CD244: variants seen among roughly 807,000 people sequenced by gnomAD.
CD244 encodes CD244 molecule, also known as natural killer cell receptor 2B4.
Under a neutral mutation model 45.5 loss-of-function variants are expected in CD244, and 20 were observed. The ratio of observed to expected loss-of-function variants is 0.44; its 90% confidence interval spans 0.31 to 0.64. CD244 has a LOEUF of 0.64. CD244 is among the 30% of genes least tolerant of loss of function. The pLI is 0.08. For synonymous variants in CD244, 185 were observed against 160.5 expected, an observed-to-expected ratio of 1.15 and a Z score of -1.15; for missense variants, 407 against 426.9, an observed-to-expected ratio of 0.95 and a Z score of 0.41.
chr1:160,841,409 G>C lies in CD244; in HGVS notation c.456C>G (p.Cys152Trp), dbSNP rs1371739601. The C allele has an allele frequency of 6.2e-7, 1 of 1,614,192 alleles. No individual in the cohort carries two copies. The highest frequency in any genetic ancestry group is 8.5e-7 in the Non-Finnish European group (1 of 1,180,038). Residue 152 changes from cysteine to tryptophan, a missense_variant, in exon 3 of 9, where the codon TGC becomes TGG. Coordinates refer to ENST00000368034, the MANE Select transcript of CD244 (RefSeq NM_016382.4). The part of the protein sequence containing the change: ...DRGRCQVALS[C>W]LVSRDGNVSY... ...ACACATTGCCATCCCTGGAGACCAA[G>C]CAAGACAGAGCCACTTGGCATCTCC...
At chr1:160,854,996 T>C (rs1670056609) in intron 1 of CD244, among the ~76,000 whole-genome samples, 1 of 152,204 alleles carries the variant, frequency 6.6e-6, no homozygotes, top group Non-Finnish European at 1.5e-5. Flanking sequence ...GAAGCTCTGG[T>C]GCCCTGAGCA....
At chr1:160,849,348 G>A (rs780041577) in intron 1 of CD244, among the ~76,000 whole-genome samples, 2 of 143,718 alleles carry the variant, frequency 1.4e-5, no homozygotes, top group East Asian at 4.1e-4. Context: ...GATTTGTTAC[G>A]TAGGTATACG....
intron 1 of CD244, among the ~76,000 whole-genome samples, chr1:160,844,290 A>G (rs1669649871): frequency 6.6e-6 from 1 of 152,262 alleles, no homozygotes; most frequent in Admixed American, 6.5e-5. Context: ...CAGGGCATCT[A>G]CATAATAGAG....
At position 160,857,157 on chromosome 1, in the gene CD244, A is replaced by C. The variant is rs150825612; in HGVS notation, c.61+5460T>G. On this transcript the variant is annotated intron_variant, in intron 1 of 8. Transcript: ENST00000368034. ...CCAAGCTCCACATTTCCACAATTTA[A>C]TTTTCCATCTGCAGACCTTCAGAAC... Among the ~76,000 whole-genome samples the C allele has an allele frequency of 3.7e-3, 559 of 152,294 alleles. 1 individual carries two copies. The highest frequency in any genetic ancestry group is 0.013 in the African/African-American group (526 of 41,556).
At chr1:160,849,201 T>C (rs891419621) in intron 1 of CD244, among the ~76,000 whole-genome samples, 1 of 152,158 alleles carries the variant, frequency 6.6e-6, no homozygotes, top group African/African-American at 2.4e-5. Context: ...ATTGTTATTA[T>C]TTTGATGTGG....
chr1:160,837,878 GGCCCC>G (rs1289683467), intron 5 of CD244, among the ~76,000 whole-genome samples: 1 of 152,232 alleles, frequency 6.6e-6, no homozygotes, highest in Non-Finnish European at 1.5e-5. Flanking sequence ...AGGCAGAGTT[GGCCCC>G]TGCCTGCTGC....
At position 160,841,421 on chromosome 1, in the gene CD244, C is replaced by T; in HGVS notation, c.444G>A (p.Val148=). The T allele has an allele frequency of 6.2e-7, 1 of 1,614,176 alleles. No individual in the cohort carries two copies. The highest frequency in any genetic ancestry group is 8.5e-7 in the Non-Finnish European group (1 of 1,180,014). The part of the protein sequence containing the change: ...GKILDRGRCQ[V]ALSCLVSRDG... ...CCCTGGAGACCAAGCAAGACAGAGCCACTTGGCATCTCCCTCTGTCCAGGA... is the reference window on the plus strand; with the variant it reads ...CCCTGGAGACCAAGCAAGACAGAGCTACTTGGCATCTCCCTCTGTCCAGGA... The change falls in exon 3 of 9, where the codon GTG becomes GTA. Residue 148 remains valine (V), a synonymous_variant. Coordinates refer to ENST00000368034, the MANE Select transcript of CD244 (RefSeq NM_016382.4).
intron 1 of CD244, among the ~76,000 whole-genome samples, chr1:160,850,090 A>G (rs1296349819): frequency 6.6e-6 from 1 of 152,210 alleles, no homozygotes; most frequent in African/African-American, 2.4e-5. Flanking sequence ...AGAGGACTAT[A>G]TGAAAAATTA....
chr1:160,843,929 C>T (rs1339632625), intron 1 of CD244, among the ~76,000 whole-genome samples: 4 of 152,142 alleles, frequency 2.6e-5, no homozygotes, highest in Non-Finnish European at 2.9e-5. Context: ...AGTTCACGTC[C>T]CTCCTATTAG....
In CD244 at chr1:160,862,692, G is replaced by A. The variant is rs1670353807; in HGVS notation, c.-15C>T. 1 of 1,613,298 alleles carries A rather than the reference G, an allele frequency of 6.2e-7. No individual in the cohort carries two copies. Among genetic ancestry groups the A allele is most frequent in the South Asian group, 1.1e-5 (1 of 90,962 alleles). On this transcript the variant is annotated 5_prime_UTR_variant, in exon 1 of 9. Transcript: ENST00000368034. Reference sequence around the variant, plus strand: ...TGCCCCAGCATTTCCACAGGACAGAGGGGCCAGGCCAGCCCCTCCACCCCA... The same window carrying A: ...TGCCCCAGCATTTCCACAGGACAGAAGGGCCAGGCCAGCCCCTCCACCCCA...
chr1:160,848,278 G>C (rs777315604), intron 1 of CD244: 1 of 572,634 alleles, frequency 1.7e-6, no homozygotes, highest in Non-Finnish European at 3.4e-6. Context: ...ACTTCATCCT[G>C]AAGCATACAG....
At chr1:160,839,811 T>C (rs1669469243) in intron 3 of CD244, among the ~76,000 whole-genome samples, 1 of 152,190 alleles carries the variant, frequency 6.6e-6, no homozygotes, top group Non-Finnish European at 1.5e-5. Flanking sequence ...TTCCTTTGTT[T>C]TTAACTCAAA....
rs893086335 is a variant in CD244 at position 160,847,638 on chromosome 1, A to G, written c.62-5737T>C. 2.0e-5 allele frequency among the ~76,000 whole-genome samples: 3 copies of G among 152,308 alleles called. No homozygotes were observed. The East Asian group carries it at 5.8e-4, about 29-fold the overall frequency. On this transcript the variant is annotated intron_variant, in intron 1 of 8. Transcript: ENST00000368034. Reference sequence around the variant, plus strand: ...GAATAAATCAAATGAAATTTGGGAAATATTTAGAGCAAAGTGATAATGAGT... The same window carrying G: ...GAATAAATCAAATGAAATTTGGGAAGTATTTAGAGCAAAGTGATAATGAGT...
chr1:160,854,616 A>G (rs1317966417), intron 1 of CD244, among the ~76,000 whole-genome samples: 1 of 148,140 alleles, frequency 6.8e-6, no homozygotes, highest in African/African-American at 2.5e-5. Context: ...CTGGTCTTGA[A>G]CTCCTGACCT....
chr1:160,844,948 G>T (rs1431942580), intron 1 of CD244, among the ~76,000 whole-genome samples: 4 of 151,972 alleles, frequency 2.6e-5, no homozygotes, highest in Admixed American at 6.6e-5. Context: ...CTGCACTCTA[G>T]CCTGCATGAC....
chr1:160,844,084 T>A (rs1320631994), intron 1 of CD244, among the ~76,000 whole-genome samples: 2 of 152,220 alleles, frequency 1.3e-5, no homozygotes, highest in African/African-American at 2.4e-5. Context: ...ATTGAACTAA[T>A]GATCTGGAAT....
Position 160,838,982 on chromosome 1 carries a change from G to A in CD244, c.723C>T (p.Ala241=). ...TCTTTCTCCTCCACACACAGAAGCA[G>A]GCAAGGGTGCCAAGGAACAGTGCGC... ...ILSALFLGTL[A]CFCVWRRKRK... The change falls in exon 4 of 9, where the codon GCC becomes GCT. Residue 241 remains alanine, a synonymous_variant. Transcript: ENST00000368034. 1.2e-6 allele frequency: 2 copies of A among 1,614,126 alleles called. No homozygotes were observed. Among genetic ancestry groups the A allele is most frequent in the Non-Finnish European group, 1.7e-6 (2 of 1,179,994 alleles).
At chr1:160,838,577 T>C in intron 4 of CD244, 59 bp from the exon 5 acceptor site, 4 of 1,202,758 alleles carry the variant, frequency 3.3e-6, no homozygotes, top group Non-Finnish European at 5.0e-6. Flanking sequence ...GGCTTTTGCT[T>C]CTAACAGGTC....
intron 1 of CD244, chr1:160,848,232 G>A: frequency 1.8e-6 from 1 of 550,872 alleles, no homozygotes; most frequent in Non-Finnish European, 3.6e-6. Context: ...GGCACTGGTG[G>A]CAAGTTCATC....
Sources: allele counts gnomAD v4.1 joint callset (sites outside exome capture counted in the v4.1 genomes callset), GRCh38; gene constraint gnomAD v4.1.1; transcripts MANE v1.5; gene names NCBI Gene and HGNC (gene_info 2026-07-23, HGNC 2026-07-21).